The following ZNF519 variants were observed in gnomAD, a reference collection of about 807,000 sequenced individuals.
The protein encoded by ZNF519 is zinc finger protein 519.
A neutral mutation model predicts 7.4 loss-of-function variants in ZNF519; 7 were observed. That is an observed-to-expected ratio of 0.94 (90% CI 0.54 to 1.77). ZNF519 has a LOEUF of 1.77. ZNF519 is among the 40% of genes most tolerant of loss of function. The pLI, the probability that ZNF519 is intolerant of heterozygous loss-of-function variation, is 0.00. For missense variants in ZNF519, 586 were observed against 623.1 expected, an observed-to-expected ratio of 0.94 and a Z score of 0.63; for synonymous variants, 179 against 203.3, an observed-to-expected ratio of 0.88 and a Z score of 1.02.
downstream of ZNF519, among the ~76,000 whole-genome samples, chr18:14,099,482 C>T (rs1185337116): frequency 6.6e-6 from 1 of 152,116 alleles, no homozygotes; most frequent in East Asian, 1.9e-4. Context: ...CTCCTAACAT[C>T]TCCTCAGAAA....
intron 2 of ZNF519, among the ~76,000 whole-genome samples, chr18:14,093,009 TAG>T (rs2046120490): frequency 6.6e-6 from 1 of 152,200 alleles, no homozygotes; most frequent in African/African-American, 2.4e-5. Context: ...CTTCCTTTCT[TAG>T]AGATTACCAG....
chr18:14,102,000 C>G lies in ZNF519; in HGVS notation c.*2917G>C, dbSNP rs1162575900. The G allele has an allele frequency of 2.9e-5, 10 of 346,342 alleles. No individual in the cohort carries two copies. The highest frequency in any genetic ancestry group is 4.6e-5 in the Non-Finnish European group (9 of 194,544). 21.5% of individuals were successfully genotyped at this position (346,342 alleles called of 1,614,324 possible). A position where few individuals can be genotyped will look rare whatever the true frequency, so the allele number is the denominator to read the frequency against. ...TAATATTCAGGAATAAAGAGGTTTCCTACTGATTATGTTTTTTGAGAATTT... is the reference window on the plus strand; with the variant it reads ...TAATATTCAGGAATAAAGAGGTTTCGTACTGATTATGTTTTTTGAGAATTT... On this transcript the variant is annotated 3_prime_UTR_variant, in exon 3 of 3. Coordinates refer to ENST00000590202, the MANE Select transcript of ZNF519 (RefSeq NM_145287.4).
At chr18:14,129,205 A>C (rs2046317413) in intron 1 of ZNF519, among the ~76,000 whole-genome samples, 1 of 152,146 alleles carries the variant, frequency 6.6e-6, no homozygotes, top group South Asian at 2.1e-4. Context: ...TGGTGAAAAA[A>C]ACAGGTTCCC....
At chr18:14,085,567 G>C (rs753966624) in intron 2 of ZNF519, among the ~76,000 whole-genome samples, 1 of 152,088 alleles carries the variant, frequency 6.6e-6, no homozygotes, top group Non-Finnish European at 1.5e-5. Flanking sequence ...GAATCCAATA[G>C]AGCACCTGTT....
In ZNF519 at chr18:14,101,086, A is replaced by T. The variant is rs1419843526; in HGVS notation, c.*3831T>A. The T allele has an allele frequency of 6.6e-6, 1 of 152,492 alleles. No homozygotes were observed. The highest frequency in any genetic ancestry group is 2.4e-5 in the African/African-American group (1 of 41,436). The allele number at this position is 152,492 out of a possible 1,614,324, so 9.4% of individuals were successfully genotyped here. On this transcript the variant is annotated 3_prime_UTR_variant, in exon 3 of 3. Transcript: ENST00000590202. ...AAATGTGAAGGGACTTTCCCAAGAC[A>T]CAGATAATAGGTGGCTGAGTCCCCC...
At chr18:14,096,460 CAA>C (rs1228491955), downstream of ZNF519, among the ~76,000 whole-genome samples, 1 of 152,182 alleles carries the variant, frequency 6.6e-6, no homozygotes, top group Non-Finnish European at 1.5e-5. Context: ...AGATTACTTT[CAA>C]AGACACTCTT....
chr18:14,131,518 C>A (rs185289542), intron 1 of ZNF519, among the ~76,000 whole-genome samples: 183 of 152,220 alleles, frequency 1.2e-3, no homozygotes, highest in Admixed American at 2.2e-3. Flanking sequence ...AAAATGCAGG[C>A]GAAAACCAGT....
At chr18:14,106,519 A>T in intron 2 of ZNF519, 110 bp from the exon 3 acceptor site, 1 of 905,276 alleles carries the variant, frequency 1.1e-6, no homozygotes, top group Admixed American at 3.2e-5. Context: ...ACAATGCCAT[A>T]GTAGAAAACC....
At chr18:14,091,649 A>G (rs1400003625) in intron 2 of ZNF519, among the ~76,000 whole-genome samples, 2 of 152,162 alleles carry the variant, frequency 1.3e-5, no homozygotes, top group Non-Finnish European at 2.9e-5. Flanking sequence ...GGCAGATACC[A>G]AACAATATTA....
intron 2 of ZNF519, among the ~76,000 whole-genome samples, chr18:14,120,005 G>A (rs938581494): frequency 1.3e-5 from 2 of 151,928 alleles, no homozygotes; most frequent in African/African-American, 2.4e-5. Flanking sequence ...AGTAATCTAC[G>A]GATTTAAAGT....
chr18:14,120,948 C>T (rs942083071), intron 2 of ZNF519, among the ~76,000 whole-genome samples: 2 of 151,768 alleles, frequency 1.3e-5, no homozygotes, highest in South Asian at 2.1e-4. Flanking sequence ...TTACAACAGA[C>T]AAAATATGGT....
chr18:14,107,094 C>T (rs2046197145), intron 2 of ZNF519, among the ~76,000 whole-genome samples: 1 of 152,076 alleles, frequency 6.6e-6, no homozygotes, highest in African/African-American at 2.4e-5. Context: ...ACTTGGGGGC[C>T]ACATTACCTA....
At chr18:14,115,311 G>A (rs2046240997) in intron 2 of ZNF519, among the ~76,000 whole-genome samples, 1 of 152,202 alleles carries the variant, frequency 6.6e-6, no homozygotes, top group Non-Finnish European at 1.5e-5. Flanking sequence ...ATCCAAAGAT[G>A]GGGTTTGGCT....
chr18:14,106,152 A>G lies in ZNF519; in HGVS notation c.388T>C (p.Phe130Leu). 6.2e-7 allele frequency: 1 copy of G among 1,611,836 alleles called. No individual in the cohort carries two copies. Among genetic ancestry groups the G allele is most frequent in the Non-Finnish European group, 8.5e-7 (1 of 1,179,478 alleles). Residue 130 changes from phenylalanine (F) to leucine (L), a missense_variant, in exon 3 of 3, where the codon TTT becomes CTT. Transcript: ENST00000590202. ...EYRIFQKKPQ[F>L]LSAAPTEPCI... ...GGTTCTGTAGGAGCAGCTGACAGAA[A>G]CTGAGGCTTCTTCTGAAATATTCTA...
In ZNF519 at chr18:14,104,934, T is replaced by C. The variant is rs1390075085; in HGVS notation, c.1606A>G (p.Ile536Val). Residue 536 changes from isoleucine to valine, a missense_variant, in exon 3 of 3, where the codon ATA becomes GTA. Ile to Val is a conservative substitution (Grantham distance 29). Coordinates refer to ENST00000590202, the MANE Select transcript of ZNF519 (RefSeq NM_145287.4). ...CAGGGTTTCTACCTGGTATGAATTA[T>C]TTGATGTTGAGTAAGGGTTGAGCGT... ...NRRSTLTQHQ[I>V]IHTR 6 of 1,554,392 alleles carry C rather than the reference T, an allele frequency of 3.9e-6. No individual in the cohort carries two copies. The African/African-American group carries it at 8.3e-5, about 21-fold the overall frequency.
At chr18:14,092,208 G>A (rs191669502) in intron 2 of ZNF519, among the ~76,000 whole-genome samples, 29 of 152,196 alleles carry the variant, frequency 1.9e-4, no homozygotes, top group African/African-American at 6.7e-4. Flanking sequence ...ACTTGCTGAT[G>A]TCTATGGGTG....
intron 2 of ZNF519, among the ~76,000 whole-genome samples, chr18:14,109,754 TAAAC>T (rs918099765): frequency 1.7e-4 from 26 of 152,050 alleles, no homozygotes; most frequent in Non-Finnish European, 1.0e-4. Context: ...AAAACTCAAA[TAAAC>T]AACTTCATGA....
chr18:14,089,673 A>G (rs895886407), intron 2 of ZNF519, among the ~76,000 whole-genome samples: 3 of 152,226 alleles, frequency 2.0e-5, no homozygotes, highest in African/African-American at 7.2e-5. Context: ...CCATATATTG[A>G]TAAGGCTGTT....
chr18:14,076,007 TTTA>T (rs953543534), exon 5 of ZNF519: 5 of 151,994 alleles, frequency 3.3e-5, no homozygotes, highest in African/African-American at 1.2e-4. Context: ...AAGTAAGCAA[TTTA>T]TTATTATTTT....
Sources: gnomAD v4.1 joint callset for allele counts (sites outside exome capture counted in the v4.1 genomes callset) on GRCh38, gnomAD v4.1.1 for gene constraint, MANE v1.5 for transcripts, NCBI Gene and HGNC (gene_info 2026-07-23, HGNC 2026-07-21) for gene names.